SEL1L2: variants seen among roughly 807,000 people sequenced by gnomAD.
SEL1L2 encodes protein sel-1 homolog 2.
Under a neutral mutation model 98.8 loss-of-function variants are expected in SEL1L2, and 89 were observed. The observed-to-expected ratio is 0.90, with a 90% confidence interval of 0.76 to 1.07. The LOEUF (loss-of-function observed/expected upper bound fraction) is 1.07. Ranked by LOEUF, SEL1L2 falls within the 50% of genes least tolerant of loss-of-function variation. The pLI is 0.00. For missense variants in SEL1L2, 788 were observed against 812.0 expected, an observed-to-expected ratio of 0.97 and a Z score of 0.36; for synonymous variants, 262 against 278.5, an observed-to-expected ratio of 0.94 and a Z score of 0.59.
chr20:13,857,515 C>T (rs1328656863), intron 18 of SEL1L2, among the ~76,000 whole-genome samples: 1 of 152,226 alleles, frequency 6.6e-6, no homozygotes. Context: ...GCATTGCTGG[C>T]TCTGTGTCCT....
upstream of SEL1L2, among the ~76,000 whole-genome samples, chr20:13,991,777 G>C (rs1290180116): frequency 6.6e-6 from 1 of 152,174 alleles, no homozygotes; most frequent in East Asian, 1.9e-4. Context: ...TGGATTACTT[G>C]AGGCCAGGAG....
At position 13,915,250 on chromosome 20, in the gene SEL1L2, C is replaced by T. The variant is rs760504231; in HGVS notation, c.387-1306G>A. On this transcript the variant is annotated intron_variant, in intron 4 of 19. Transcript: ENST00000284951. Reference sequence around the variant, plus strand: ...AGGTAGGCATTAGAATCCTGGATGTCAAAACACAGGGTGAGTACTCCAGTG... The same window carrying T: ...AGGTAGGCATTAGAATCCTGGATGTTAAAACACAGGGTGAGTACTCCAGTG... 15 of 1,288,616 alleles carry T rather than the reference C, an allele frequency of 1.2e-5. No individual in the cohort carries two copies. In the South Asian group the frequency reaches 1.6e-4, roughly 14 times the overall value. 79.8% of individuals were successfully genotyped at this position (1,288,616 alleles called of 1,614,324 possible). A position where few individuals can be genotyped will look rare whatever the true frequency, so the allele number is the denominator to read the frequency against.
chr20:13,985,654 C>T (rs892384084), intron 1 of SEL1L2, among the ~76,000 whole-genome samples: 13 of 152,182 alleles, frequency 8.5e-5, no homozygotes, highest in African/African-American at 3.1e-4. Context: ...ATCCCCAATA[C>T]TCCTGGTGTA....
chr20:13,921,833 A>G (rs930306609), intron 3 of SEL1L2, among the ~76,000 whole-genome samples: 3 of 152,156 alleles, frequency 2.0e-5, no homozygotes, highest in Admixed American at 1.3e-4. Context: ...GACTCAAATC[A>G]GACTGCCTAG....
chr20:13,870,967 G>C (rs13038826), intron 12 of SEL1L2, among the ~76,000 whole-genome samples: 1 of 148,538 alleles, frequency 6.7e-6, no homozygotes, highest in Non-Finnish European at 1.5e-5. Flanking sequence ...GAGTGTTGCA[G>C]ACACCTAGAA....
chr20:13,859,307 CA>C lies in SEL1L2; in HGVS notation c.1772del (p.Met591SerfsTer12). The C allele has an allele frequency of 6.2e-7, 1 of 1,614,160 alleles. No homozygotes were observed. The highest frequency in any genetic ancestry group is 1.1e-5 in the South Asian group (1 of 91,078). ...AANKYHNAQA[M>X]FNLAYMYEHG... The stretch of plus-strand genomic sequence containing the variant: ...GTTCATACATATAAGCCAGATTGAA[CA>C]TGGCTTGCGCGTTGTGGTATTTGTT... On this transcript the variant is annotated frameshift_variant, in exon 18 of 20. Transcript: ENST00000284951. LOFTEE classifies it high-confidence loss of function.
At chr20:13,858,870 C>G (rs1989586038) in intron 18 of SEL1L2, among the ~76,000 whole-genome samples, 1 of 152,214 alleles carries the variant, frequency 6.6e-6, no homozygotes, top group South Asian at 2.1e-4. Flanking sequence ...GCTCTGGTCT[C>G]TTTTCACTTT....
upstream of SEL1L2, among the ~76,000 whole-genome samples, chr20:13,992,512 A>T (rs868395919): frequency 2.2e-4 from 33 of 152,114 alleles, no homozygotes; most frequent in African/African-American, 7.5e-4. Context: ...CTCAAAAAAG[A>T]AAAAGGCTAT....
At position 13,954,999 on chromosome 20, in the gene SEL1L2, G is replaced by A. The variant is rs144327043; in HGVS notation, c.114+1077C>T. 5.8e-4 allele frequency among the ~76,000 whole-genome samples: 88 copies of A among 152,210 alleles called. 1 individual carries two copies. The highest frequency in any genetic ancestry group is 2.1e-3 in the African/African-American group (86 of 41,516). ...TTAGAAAAGGTTGCAATGTACAGAGGGGTTTTTAATTTGTATTAATATTTC... is the reference window on the plus strand; with the variant it reads ...TTAGAAAAGGTTGCAATGTACAGAGAGGTTTTTAATTTGTATTAATATTTC... On this transcript the variant is annotated intron_variant, in intron 2 of 19. Transcript: ENST00000284951.
At chr20:13,880,469 C>A (rs930118620) in intron 10 of SEL1L2, among the ~76,000 whole-genome samples, 1 of 151,976 alleles carries the variant, frequency 6.6e-6, no homozygotes, top group African/African-American at 2.4e-5. Flanking sequence ...ATTTACATGT[C>A]CTTAATACTA....
intron 1 of SEL1L2, among the ~76,000 whole-genome samples, chr20:13,978,506 G>A (rs1023578506): frequency 2.0e-5 from 3 of 152,066 alleles, no homozygotes; most frequent in Non-Finnish European, 4.4e-5. Flanking sequence ...GCAGTATAGA[G>A]GTTTCTCAAA....
At chr20:13,980,944 T>A (rs1202656990) in intron 1 of SEL1L2, among the ~76,000 whole-genome samples, 1 of 152,090 alleles carries the variant, frequency 6.6e-6, no homozygotes, top group Non-Finnish European at 1.5e-5. Context: ...TTGAAACTCA[T>A]AAAAATAGAG....
At chr20:13,850,559 G>A (rs1047495294) in intron 18 of SEL1L2, among the ~76,000 whole-genome samples, 1 of 152,194 alleles carries the variant, frequency 6.6e-6, no homozygotes, top group Non-Finnish European at 1.5e-5. Context: ...CAGCATGAGG[G>A]ACTCAACTTG....
intron 14 of SEL1L2, among the ~76,000 whole-genome samples, chr20:13,868,825 C>T (rs1294687142): frequency 6.6e-6 from 1 of 151,988 alleles, no homozygotes; most frequent in Admixed American, 6.6e-5. Context: ...CCAGGCTGGT[C>T]TCGAATTCGT....
chr20:13,919,441 A>G (rs1353604156), intron 3 of SEL1L2, among the ~76,000 whole-genome samples: 2 of 152,194 alleles, frequency 1.3e-5, no homozygotes, highest in African/African-American at 2.4e-5. Flanking sequence ...TCCGATCAGA[A>G]GGCAGGAGAT....
intron 2 of SEL1L2, among the ~76,000 whole-genome samples, chr20:13,940,625 T>C (rs905160988): frequency 6.6e-6 from 1 of 152,206 alleles, no homozygotes; most frequent in Admixed American, 6.5e-5. Flanking sequence ...GAGGAACAGA[T>C]TATACAGCAT....
intron 18 of SEL1L2, among the ~76,000 whole-genome samples, chr20:13,851,974 C>A (rs1324935494): frequency 6.6e-6 from 1 of 152,102 alleles, no homozygotes; most frequent in Non-Finnish European, 1.5e-5. Flanking sequence ...AAAGTTCTTG[C>A]TTAAAATACA....
At chr20:13,937,278 GAAAA>G (rs1223505759) in intron 2 of SEL1L2, among the ~76,000 whole-genome samples, 1 of 152,168 alleles carries the variant, frequency 6.6e-6, no homozygotes, top group East Asian at 1.9e-4. Flanking sequence ...CTAGGCAGGT[GAAAA>G]AGGGGTCCTC....
Position 13,932,111 on chromosome 20 carries a change from A to C in SEL1L2, c.115-340T>G, listed in dbSNP as rs2049170605. 2.6e-5 allele frequency among the ~76,000 whole-genome samples: 4 copies of C among 152,336 alleles called. No homozygotes were observed. In the South Asian group the frequency reaches 8.3e-4, roughly 32 times the overall value. On this transcript the variant is annotated intron_variant, in intron 2 of 19. Coordinates refer to ENST00000284951, the MANE Select transcript of SEL1L2 (RefSeq NM_025229.2). Reference sequence around the variant, plus strand: ...TAATGTCAATCGTGTTAGCTAAAAAAATGAAGGCGTTGATATTGCCTTACA... The same window carrying C: ...TAATGTCAATCGTGTTAGCTAAAAACATGAAGGCGTTGATATTGCCTTACA...
Sources: allele counts gnomAD v4.1 joint callset (sites outside exome capture counted in the v4.1 genomes callset), GRCh38; gene constraint gnomAD v4.1.1; transcripts MANE v1.5; gene names NCBI Gene and HGNC (gene_info 2026-07-23, HGNC 2026-07-21).